The following CALN1 variants were observed in gnomAD, a reference collection of about 807,000 sequenced individuals.
CALN1 encodes calneuron 1.
CALN1 carries 17 observed loss-of-function variants against 30.6 expected under a neutral mutation model. The ratio of observed to expected loss-of-function variants is 0.56; its 90% confidence interval spans 0.38 to 0.83. CALN1 has a LOEUF of 0.83. Among genes scored for constraint, CALN1 ranks in the 40% least tolerant of loss-of-function variants. The probability of loss-of-function intolerance (pLI) is 0.00; values close to 1 mark genes in which losing one functional copy is unlikely to be tolerated. For synonymous variants in CALN1, 156 were observed against 131.4 expected, an observed-to-expected ratio of 1.19 and a Z score of -1.28; for missense variants, 291 against 354.9, an observed-to-expected ratio of 0.82 and a Z score of 1.45.
At chr7:72,150,202 C>A (rs114082090) in intron 3 of CALN1, among the ~76,000 whole-genome samples, 4 of 151,220 alleles carry the variant, frequency 2.6e-5, no homozygotes, top group African/African-American at 9.7e-5. Flanking sequence ...AAGATCTTCA[C>A]GAATCTTTTG....
At chr7:72,357,543 T>TAC (rs1554386096) in intron 2 of CALN1, among the ~76,000 whole-genome samples, 1 of 151,880 alleles carries the variant, frequency 6.6e-6, no homozygotes, top group Non-Finnish European at 1.5e-5. Flanking sequence ...GCCTTGATCT[T>TAC]ACCATGAGCA....
intron 5 of CALN1, among the ~76,000 whole-genome samples, chr7:71,999,910 C>A (rs752956438): frequency 9.9e-5 from 15 of 151,834 alleles, no homozygotes; most frequent in Non-Finnish European, 1.5e-4. Flanking sequence ...TGAAATCACA[C>A]AGAATATGTT....
intron 4 of CALN1, among the ~76,000 whole-genome samples, chr7:72,097,198 T>C (rs983530593): frequency 1.3e-5 from 2 of 152,096 alleles, no homozygotes; most frequent in Admixed American, 6.6e-5. Flanking sequence ...TTAGGAGATA[T>C]ACCTAATGTA....
chr7:72,334,734 C>T (rs1447707074), intron 2 of CALN1, among the ~76,000 whole-genome samples: 5 of 152,232 alleles, frequency 3.3e-5, no homozygotes. Context: ...ATTTAGCTCT[C>T]CTCCAATAAA....
chr7:71,982,463 A>T (rs1261065544), intron 5 of CALN1, among the ~76,000 whole-genome samples: 1 of 152,090 alleles, frequency 6.6e-6, no homozygotes, highest in Non-Finnish European at 1.5e-5. Context: ...GCATGGCAGT[A>T]GGTGCCTGTA....
At chr7:71,868,115 T>G (rs543915045) in intron 5 of CALN1, among the ~76,000 whole-genome samples, 1 of 152,174 alleles carries the variant, frequency 6.6e-6, no homozygotes, top group Admixed American at 6.5e-5. Context: ...TCTATCCCCA[T>G]CCTAGAATCA....
At chr7:72,295,137 C>T (rs1156529821) in intron 2 of CALN1, among the ~76,000 whole-genome samples, 1 of 152,070 alleles carries the variant, frequency 6.6e-6, no homozygotes, top group African/African-American at 2.4e-5. Context: ...AACACCACCT[C>T]TTTCCTAAAA....
At chr7:72,282,790 A>G (rs1450599796) in intron 2 of CALN1, among the ~76,000 whole-genome samples, 1 of 152,236 alleles carries the variant, frequency 6.6e-6, no homozygotes, top group Non-Finnish European at 1.5e-5. Flanking sequence ...GTGGTGGCTC[A>G]TGCCTGTAAA....
chr7:71,876,429 C>CAG (rs61295082), intron 5 of CALN1, among the ~76,000 whole-genome samples: 17,716 of 152,084 alleles, frequency 0.12, 1,477 homozygotes, highest in East Asian at 0.43. Context: ...AAGCTGCCAC[C>CAG]AAGCTTTTGG....
chr7:71,958,293 T>C (rs1231770896), intron 5 of CALN1, among the ~76,000 whole-genome samples: 2 of 152,080 alleles, frequency 1.3e-5, no homozygotes, highest in Non-Finnish European at 2.9e-5. Context: ...TTCCCCTCTG[T>C]TTGTCAGGTT....
intron 5 of CALN1, among the ~76,000 whole-genome samples, chr7:71,946,149 T>C (rs1391705022): frequency 6.6e-6 from 1 of 152,126 alleles, no homozygotes; most frequent in Non-Finnish European, 1.5e-5. Flanking sequence ...AGGGAAATGG[T>C]AGATGTTGGG....
At chr7:72,164,395 G>T (rs907936100) in intron 3 of CALN1, among the ~76,000 whole-genome samples, 1 of 149,220 alleles carries the variant, frequency 6.7e-6, no homozygotes, top group Non-Finnish European at 1.5e-5. Context: ...GAGACACATA[G>T]GAAGAACGCC....
intron 5 of CALN1, among the ~76,000 whole-genome samples, chr7:71,956,752 A>G (rs1031170495): frequency 6.6e-6 from 1 of 152,130 alleles, no homozygotes; most frequent in African/African-American, 2.4e-5. Context: ...GTTGGAGTGC[A>G]GTGGCACAAT....
intron 5 of CALN1, among the ~76,000 whole-genome samples, chr7:71,888,636 G>A (rs934941037): frequency 1.3e-5 from 2 of 152,086 alleles, no homozygotes; most frequent in Admixed American, 1.3e-4. Context: ...TAAAGTGAAG[G>A]GAACAGAAAG....
At chr7:72,272,879 C>A (rs1219820920) in intron 3 of CALN1, among the ~76,000 whole-genome samples, 2 of 152,082 alleles carry the variant, frequency 1.3e-5, no homozygotes, top group Admixed American at 1.3e-4. Flanking sequence ...TTGGTATGTC[C>A]CATCCTGGGT....
At chr7:71,876,466 C>T (rs1792249953) in intron 5 of CALN1, among the ~76,000 whole-genome samples, 3 of 152,066 alleles carry the variant, frequency 2.0e-5, no homozygotes, top group African/African-American at 7.2e-5. Flanking sequence ...AACCATGAGC[C>T]AAATAAACTT....
At chr7:72,358,588 A>T (rs573368045) in intron 2 of CALN1, among the ~76,000 whole-genome samples, 3 of 152,196 alleles carry the variant, frequency 2.0e-5, no homozygotes, top group East Asian at 3.9e-4. Context: ...CTTCGGAGAG[A>T]GAAGAAAAGC....
At chr7:71,819,319 C>T (rs144224743) in intron 5 of CALN1, among the ~76,000 whole-genome samples, 54 of 151,926 alleles carry the variant, frequency 3.6e-4, no homozygotes, top group African/African-American at 1.0e-3. Flanking sequence ...AGCAATTCTC[C>T]TGCCTCAGCC....
chr7:72,177,431 G>C (rs1789437879), intron 3 of CALN1, among the ~76,000 whole-genome samples: 1 of 152,028 alleles, frequency 6.6e-6, no homozygotes, highest in Non-Finnish European at 1.5e-5. Context: ...TTCTCAAAGA[G>C]CTCAGGGTTC....
Sources: gnomAD v4.1 joint callset for allele counts (sites outside exome capture counted in the v4.1 genomes callset) on GRCh38, gnomAD v4.1.1 for gene constraint, MANE v1.5 for transcripts, NCBI Gene and HGNC (gene_info 2026-07-23, HGNC 2026-07-21) for gene names.